The following CPNE8 variants were observed in gnomAD, a reference collection of about 807,000 sequenced individuals.
The protein encoded by CPNE8 is copine-8.
CPNE8 carries 45 observed loss-of-function variants against 81.5 expected under a neutral mutation model. The observed-to-expected ratio is 0.55, with a 90% CI of 0.44 to 0.71. The LOEUF (loss-of-function observed/expected upper bound fraction) is 0.71. CPNE8 is among the 30% of genes least tolerant of loss of function. CPNE8 has a pLI of 0.00. For missense variants in CPNE8, 594 were observed against 672.1 expected (o/e 0.88, Z 1.28); for synonymous variants, 252 against 226.3 (o/e 1.11, Z -1.02).
intron 6 of CPNE8, among the ~76,000 whole-genome samples, chr12:38,806,543 A>T (rs1369894709): frequency 6.7e-6 from 1 of 150,142 alleles, no homozygotes; most frequent in African/African-American, 2.4e-5. Flanking sequence ...CCTTTGACAA[A>T]ATTCAACAAC....
intron 1 of CPNE8, among the ~76,000 whole-genome samples, chr12:38,902,369 AAAGAAAGAAAGAAAAG>A (rs1247086091): frequency 1.1e-4 from 8 of 70,034 alleles, no homozygotes; most frequent in Non-Finnish European, 1.9e-4. Context: ...AGAAAGAAAG[AAAGAAAGAAAGAAAAG>A]AAAGAAAGAG....
chr12:38,790,011 A>G (rs544559704), intron 6 of CPNE8, among the ~76,000 whole-genome samples: 45 of 151,992 alleles, frequency 3.0e-4, no homozygotes, highest in African/African-American at 1.0e-3. Context: ...GTAAATTAGT[A>G]CAATCACTAC....
intron 10 of CPNE8, among the ~76,000 whole-genome samples, chr12:38,741,320 G>A (rs1292823940): frequency 1.3e-5 from 2 of 152,090 alleles, no homozygotes; most frequent in African/African-American, 4.8e-5. Flanking sequence ...CATGGTATTG[G>A]TACCAAAACA....
chr12:38,684,030 TCTAATAACCAGC>T, intron 16 of CPNE8, among the ~76,000 whole-genome samples: 2 of 152,204 alleles, frequency 1.3e-5, no homozygotes, highest in South Asian at 2.1e-4. Flanking sequence ...TGAACACATT[TCTAATAACCAGC>T]ATGAGTTCAT....
chr12:38,786,498 G>T (rs1425334254), intron 6 of CPNE8, among the ~76,000 whole-genome samples: 1 of 152,108 alleles, frequency 6.6e-6, no homozygotes, highest in Non-Finnish European at 1.5e-5. Flanking sequence ...TGGAACATCA[G>T]ACTCCAAGTT....
At chr12:38,906,716 G>T, upstream of CPNE8, 3 of 568,348 alleles carry the variant, frequency 5.3e-6, no homozygotes, top group Non-Finnish European at 6.7e-6. Flanking sequence ...CCCCTCCACT[G>T]CAGGGACCTT....
chr12:38,905,290 G>A lies in CPNE8; in HGVS notation c.98+147C>T, dbSNP rs548557542. ...GCTCCCCTGTGTCACCTGACCCGGG[G>A]TAACTCCAGCCCCACTACTGAGATA... is the stretch of plus-strand genomic sequence containing the variant. On this transcript the variant is annotated intron_variant, in intron 1 of 19. Coordinates refer to ENST00000331366, the MANE Select transcript of CPNE8 (RefSeq NM_153634.3). 20 of 836,658 alleles carry A rather than the reference G, an allele frequency of 2.4e-5. No individual in the cohort carries two copies. The Admixed American group carries it at 3.5e-4, about 15-fold the overall frequency. 51.8% of individuals were successfully genotyped at this position (836,658 alleles called of 1,614,324 possible). A position where few individuals can be genotyped will look rare whatever the true frequency, so the allele number is the denominator to read the frequency against.
intron 13 of CPNE8, among the ~76,000 whole-genome samples, chr12:38,703,854 A>G (rs1213009005): frequency 6.6e-6 from 1 of 152,122 alleles, no homozygotes; most frequent in Non-Finnish European, 1.5e-5. Flanking sequence ...AGAGTGACAC[A>G]CACACACACA....
rs370867515 is a variant in CPNE8, at chr12:38,704,834, A to ATGTGTG, written c.915-1914_915-1913insCACACA. Among the ~76,000 whole-genome samples, 41 of 81,396 alleles carry ATGTGTG rather than the reference A, an allele frequency of 5.0e-4. 3 individuals carry two copies. Among genetic ancestry groups the ATGTGTG allele is most frequent in the Middle Eastern group, 7.1e-3 (1 of 140 alleles). The allele number at this position is 81,396 out of a possible 152,430, so 53.4% of individuals were successfully genotyped here. ...TGTGTGTGTATGTATGTGTATATATATATATATATATATATATATATATAT... is the reference window on the plus strand; with the variant it reads ...TGTGTGTGTATGTATGTGTATATATATGTGTGTATATATATATATATATATATATAT... On this transcript the variant is annotated intron_variant, in intron 13 of 19. Coordinates refer to ENST00000331366, the MANE Select transcript of CPNE8 (RefSeq NM_153634.3).
chr12:38,850,339 T>C (rs1389801348), intron 3 of CPNE8, among the ~76,000 whole-genome samples: 1 of 152,132 alleles, frequency 6.6e-6, no homozygotes, highest in Non-Finnish European at 1.5e-5. Flanking sequence ...GAGAGAATTT[T>C]TTAAAATGAA....
Position 38,675,709 on chromosome 12 carries a change from C to G in CPNE8, c.1432+8G>C, listed in dbSNP as rs371583800. 4.5e-6 allele frequency: 7 copies of G among 1,568,234 alleles called. No individual in the cohort carries two copies. In the Admixed American group the frequency reaches 6.7e-5, roughly 15 times the overall value. On this transcript the variant is annotated splice_region_variant and intron_variant, in intron 18 of 19. Transcript: ENST00000331366. ...CCCAAGGAATATTATTGAAATTTTA[C>G]TACTCACCATCAAATTCTGCTGGTC...
At chr12:38,772,126 T>C (rs1463571953) in intron 7 of CPNE8, among the ~76,000 whole-genome samples, 1 of 152,158 alleles carries the variant, frequency 6.6e-6, no homozygotes, top group Non-Finnish European at 1.5e-5. Flanking sequence ...AGGGTGCCCC[T>C]CAGGTGTCCC....
At chr12:38,803,498 G>A (rs1448392401) in intron 6 of CPNE8, among the ~76,000 whole-genome samples, 1 of 149,294 alleles carries the variant, frequency 6.7e-6, no homozygotes, top group African/African-American at 2.5e-5. Context: ...GGTATTGATG[G>A]GACGTATTTC....
chr12:38,893,120 T>A (rs1389918056), intron 1 of CPNE8, among the ~76,000 whole-genome samples: 2 of 152,210 alleles, frequency 1.3e-5, no homozygotes, highest in Non-Finnish European at 2.9e-5. Context: ...GCAACAAAGT[T>A]AAACTGTTTG....
At chr12:38,839,114 C>A (rs1383876828) in intron 5 of CPNE8, among the ~76,000 whole-genome samples, 1 of 152,122 alleles carries the variant, frequency 6.6e-6, no homozygotes, top group African/African-American at 2.4e-5. Context: ...CACTTGGCAC[C>A]TCAGTTATCT....
intron 3 of CPNE8, among the ~76,000 whole-genome samples, chr12:38,860,284 A>C (rs1253421442): frequency 6.6e-6 from 1 of 151,822 alleles, no homozygotes; most frequent in African/African-American, 2.4e-5. Context: ...ACAAATGGTC[A>C]ACAGGTATAT....
chr12:38,700,390 C>G (rs142213372), intron 14 of CPNE8, among the ~76,000 whole-genome samples: 88 of 152,120 alleles, frequency 5.8e-4, no homozygotes, highest in African/African-American at 2.0e-3. Flanking sequence ...AGGCGTGTGA[C>G]AACACGCCTG....
At chr12:38,856,755 T>A (rs1046311637) in intron 3 of CPNE8, among the ~76,000 whole-genome samples, 2 of 152,190 alleles carry the variant, frequency 1.3e-5, no homozygotes, top group Non-Finnish European at 2.9e-5. Flanking sequence ...AAGAAACTGA[T>A]CACCACATTT....
In CPNE8 at chr12:38,829,401, T is replaced by C. The variant is rs758590849; in HGVS notation, c.385A>G (p.Ser129Gly). 1 of 1,612,668 alleles carries C rather than the reference T, an allele frequency of 6.2e-7. No individual in the cohort carries two copies. Among genetic ancestry groups the C allele is most frequent in the Non-Finnish European group, 8.5e-7 (1 of 1,178,710 alleles). Residue 129 changes from serine (S) to glycine (G), a missense_variant, in exon 6 of 20, where the codon AGT (serine) becomes GGT (glycine). By Grantham distance (56) the Ser-to-Gly change is moderately conservative (BLOSUM62 0). Coordinates refer to ENST00000331366, the MANE Select transcript of CPNE8 (RefSeq NM_153634.3). ...TLGEIVGSQG[S>G]RLEKPIVGIP... ...TACACTATTGGTTTTTCCAGGCGAC[T>C]TCCCTGTGAACCAACGATCTCTCCC...
Sources: allele counts gnomAD v4.1 joint callset (sites outside exome capture counted in the v4.1 genomes callset), GRCh38; gene constraint gnomAD v4.1.1; transcripts MANE v1.5; gene names NCBI Gene and HGNC (gene_info 2026-07-23, HGNC 2026-07-21).